UGT1A6: variants seen among roughly 807,000 people sequenced by gnomAD.
UGT1A6 encodes UDP-glucuronosyltransferase 1A6.
Under a neutral mutation model 44.4 loss-of-function variants are expected in UGT1A6, and 32 were observed. The ratio of observed to expected loss-of-function variants is 0.72; its 90% CI spans 0.54 to 0.97. The LOEUF is 0.97. UGT1A6 is among the 50% of genes least tolerant of loss of function. The pLI, the probability that UGT1A6 is intolerant of heterozygous loss-of-function variation, is 0.00. For missense variants in UGT1A6, 685 were observed against 661.9 expected (o/e 1.03, Z -0.38); for synonymous variants, 238 against 248.5 (o/e 0.96, Z 0.40).
At chr2:233,708,998 T>C (rs1323925794) in intron 1 of UGT1A6, among the ~76,000 whole-genome samples, 1 of 152,178 alleles carries the variant, frequency 6.6e-6, no homozygotes, top group Non-Finnish European at 1.5e-5. Context: ...GGCATCCTTC[T>C]CAGTGTCATA....
Position 233,760,582 on chromosome 2 carries a change from GT to G in UGT1A6, c.862-6447del. ...GTCTTTTGTTAGTCTCGGGCATAATGTTTTTGAGAATGATTCTTTCCTGCAG... is the reference window on the plus strand; with the variant it reads ...GTCTTTTGTTAGTCTCGGGCATAATGTTTTGAGAATGATTCTTTCCTGCAG... On this transcript the variant is annotated intron_variant, in intron 1 of 4. Coordinates refer to ENST00000305139, the MANE Select transcript of UGT1A6 (RefSeq NM_001072.4). 3 of 1,614,178 alleles carry G rather than the reference GT, an allele frequency of 1.9e-6. No homozygotes were observed. The highest frequency in any genetic ancestry group is 3.3e-4 in the Middle Eastern group (2 of 6,062).
rs547148364 is a variant in UGT1A6 at position 233,757,849 on chromosome 2, T to G, written c.862-9185T>G. 5.3e-5 allele frequency among the ~76,000 whole-genome samples: 8 copies of G among 152,118 alleles called. No individual in the cohort carries two copies. The East Asian group carries it at 1.5e-3, about 29-fold the overall frequency. On this transcript the variant is annotated intron_variant, in intron 1 of 4. Coordinates refer to ENST00000305139, the MANE Select transcript of UGT1A6 (RefSeq NM_001072.4). The stretch of plus-strand genomic sequence containing the variant: ...TGATGGTGGCCTACTAACTTATGTC[T>G]TCAGCTTAAAAAGAAAGTAGCTTCA...
At chr2:233,699,972 A>C (rs768298502) in intron 1 of UGT1A6, among the ~76,000 whole-genome samples, 1 of 152,052 alleles carries the variant, frequency 6.6e-6, no homozygotes, top group African/African-American at 2.4e-5. Flanking sequence ...CCGTCCCCCA[A>C]CTCCCAACAA....
intron 1 of UGT1A6, among the ~76,000 whole-genome samples, chr2:233,731,515 A>G (rs1195217483): frequency 5.9e-5 from 9 of 152,018 alleles, no homozygotes; most frequent in Non-Finnish European, 2.9e-5. Flanking sequence ...GTTCCCACCT[A>G]TGAGTGAGAA....
rs1390329998 is a variant in UGT1A6 at position 233,760,823 on chromosome 2, T to A, written c.862-6211T>A. 6.2e-7 allele frequency: 1 copy of A among 1,613,528 alleles called. No homozygotes were observed. Among genetic ancestry groups the A allele is most frequent in the East Asian group, 2.2e-5 (1 of 44,862 alleles). On this transcript the variant is annotated intron_variant, in intron 1 of 4. Coordinates refer to ENST00000305139, the MANE Select transcript of UGT1A6 (RefSeq NM_001072.4). ...TTCTTGCATGCACTGCCATGCAGCC[T>A]GGAATTTGAGGCTACCCAGTGCCCC...
Position 233,769,834 on chromosome 2 carries a change from G to T in UGT1A6, c.1301+1395G>T. ...CATGCCACTGCACTCCAGCAACCTG[G>T]GCAACAGAGTGAGACCCTGTCTCAA... On this transcript the variant is annotated intron_variant, in intron 4 of 4. Coordinates refer to ENST00000305139, the MANE Select transcript of UGT1A6 (RefSeq NM_001072.4). The surrounding 1 kb of genome is among the most constrained non-coding windows in gnomAD (Gnocchi z 4.4). 1.5e-6 allele frequency: 1 copy of T among 687,902 alleles called. No individual in the cohort carries two copies. The highest frequency in any genetic ancestry group is 2.2e-6 in the Non-Finnish European group (1 of 463,396). The allele number at this position is 687,902 out of a possible 1,614,324, so 42.6% of individuals were successfully genotyped here.
intron 1 of UGT1A6, among the ~76,000 whole-genome samples, chr2:233,696,185 A>G (rs1559348425): frequency 6.6e-6 from 1 of 152,248 alleles, no homozygotes; most frequent in Non-Finnish European, 1.5e-5. Flanking sequence ...TTGAAGAGCT[A>G]TCTGCACTCC....
In UGT1A6 at chr2:233,693,069, G is replaced by T; in HGVS notation, c.65G>T (p.Gly22Val). 1.2e-6 allele frequency: 2 copies of T among 1,614,148 alleles called. No homozygotes were observed. Among genetic ancestry groups the T allele is most frequent in the Middle Eastern group, 1.6e-4 (1 of 6,062 alleles). The change falls in exon 1 of 5, where the codon GGC (glycine) becomes GTC (valine). Residue 22 changes from glycine to valine, a missense_variant. Gly to Val is a moderately radical substitution (Grantham distance 109). Transcript: ENST00000305139. ...SAGVFFLALWGMVVGDKLLVV... is the reference protein window; with the variant it reads ...SAGVFFLALWVMVVGDKLLVV... The stretch of plus-strand genomic sequence containing the variant: ...GGGGTTTTCTTCTTAGCACTTTGGG[G>T]CATGGTTGTAGGTGACAAGCTGCTG...
At chr2:233,735,317 G>A (rs1343074609) in intron 1 of UGT1A6, among the ~76,000 whole-genome samples, 2 of 152,024 alleles carry the variant, frequency 1.3e-5, no homozygotes, top group African/African-American at 2.4e-5. Flanking sequence ...TTTTATCAGA[G>A]ACTAGGATTG....
At chr2:233,734,752 T>C (rs1438884438) in intron 1 of UGT1A6, among the ~76,000 whole-genome samples, 1 of 152,248 alleles carries the variant, frequency 6.6e-6, no homozygotes, top group African/African-American at 2.4e-5. Context: ...TCTTTATTTC[T>C]GCCTTCACTT....
chr2:233,768,575 AT>A (rs1699646969), intron 4 of UGT1A6, 136 bp downstream of exon 4: 6 of 1,110,618 alleles, frequency 5.4e-6, no homozygotes, highest in Non-Finnish European at 7.1e-6. Flanking sequence ...CTGGATTTTT[AT>A]TTCTTCTTTT....
chr2:233,768,579 CTTCT>C (rs1699650824), intron 4 of UGT1A6, 140 bp downstream of exon 4: 12 of 934,830 alleles, frequency 1.3e-5, no homozygotes, highest in African/African-American at 2.0e-5. Flanking sequence ...ATTTTTATTT[CTTCT>C]TTTTTTTTTT....
In UGT1A6 at chr2:233,734,566, T is replaced by C. The variant is rs182305779; in HGVS notation, c.862-32468T>C. Among the ~76,000 whole-genome samples, 74 of 152,314 alleles carry C rather than the reference T, an allele frequency of 4.9e-4. No individual in the cohort carries two copies. The East Asian group carries it at 0.013, about 27-fold the overall frequency. ...CTTCCCTTCTGCTAGCTTTTGAATT[T>C]GTTTGCTCTTGCTTATCTAGTTCTT... On this transcript the variant is annotated intron_variant, in intron 1 of 4. Coordinates refer to ENST00000305139, the MANE Select transcript of UGT1A6 (RefSeq NM_001072.4).
At chr2:233,760,757 G>A (rs762472856) in intron 1 of UGT1A6, 14 of 1,613,946 alleles carry the variant, frequency 8.7e-6, no homozygotes, top group South Asian at 1.1e-5. Flanking sequence ...CTTCCTTGCA[G>A]CCCCATCGTG....
intron 1 of UGT1A6, chr2:233,719,057 C>T (rs777947055): frequency 1.2e-6 from 2 of 1,614,274 alleles, no homozygotes; most frequent in South Asian, 2.2e-5. Flanking sequence ...CCCTGACAGC[C>T]TATGCTGTTC....
chr2:233,695,554 A>T (rs1000632787), intron 1 of UGT1A6, among the ~76,000 whole-genome samples: 1 of 151,596 alleles, frequency 6.6e-6, no homozygotes, highest in African/African-American at 2.4e-5. Context: ...AATTTTAACC[A>T]ACCATTTTCA....
At chr2:233,725,041 G>A (rs1430842810) in intron 1 of UGT1A6, among the ~76,000 whole-genome samples, 13 of 148,226 alleles carry the variant, frequency 8.8e-5, no homozygotes, top group African/African-American at 3.3e-4. Flanking sequence ...ACCAAAACCA[G>A]TCAGGCGTGG....
chr2:233,693,020 C>A lies in UGT1A6; in HGVS notation c.16C>A (p.Arg6Ser), dbSNP rs546429827. ...TCTTTCCAGGATGGCCTGCCTCCTT[C>A]GCTCATTTCAGAGAATTTCTGCAGG... MACLL[R>S]SFQRISAGVF... The change falls in exon 1 of 5, where the codon CGC becomes AGC. Residue 6 changes from arginine to serine, a missense_variant. By Grantham distance (110) the Arg-to-Ser change is moderately radical (BLOSUM62 -1). Transcript: ENST00000305139. 8 of 1,614,146 alleles carry A rather than the reference C, an allele frequency of 5.0e-6. No individual in the cohort carries two copies. The South Asian group carries it at 7.7e-5, about 16-fold the overall frequency.
Position 233,704,349 on chromosome 2 carries a change from C to A in UGT1A6, c.861+10484C>A, listed in dbSNP as rs185634729. Among the ~76,000 whole-genome samples, 184 of 135,628 alleles carry A rather than the reference C, an allele frequency of 1.4e-3. 1 individual carries two copies. The highest frequency in any genetic ancestry group is 4.9e-3 in the African/African-American group (171 of 34,948). The allele number at this position is 135,628 out of a possible 152,430, so 89.0% of individuals were successfully genotyped here. ...TTTCCACTATTTAAAAAGTTGTGTT[C>A]TGAGCGGTTGTTCTAGGGCTTAGCA... On this transcript the variant is annotated intron_variant, in intron 1 of 4. Coordinates refer to ENST00000305139, the MANE Select transcript of UGT1A6 (RefSeq NM_001072.4).
Sources: allele counts gnomAD v4.1 joint callset (sites outside exome capture counted in the v4.1 genomes callset), GRCh38; gene constraint gnomAD v4.1.1; non-coding constraint Gnocchi (gnomAD v3.1); transcripts MANE v1.5; gene names NCBI Gene and HGNC (gene_info 2026-07-23, HGNC 2026-07-21).